Variants in GSE1 observed in about 807,000 individuals in gnomAD.
GSE1 encodes the protein Gse1 coiled-coil protein.
GSE1 carries 32 observed loss-of-function variants against 112.6 expected under a neutral mutation model. That is an observed-to-expected ratio of 0.28 (90% confidence interval 0.21 to 0.38). The LOEUF is 0.38. Ranked by LOEUF, GSE1 falls within the 10% of genes least tolerant of loss-of-function variation. The probability of loss-of-function intolerance (pLI) is 1.00; values close to 1 mark genes in which losing one functional copy is unlikely to be tolerated. For synonymous variants in GSE1, 1,115 were observed against 735.6 expected (o/e 1.52, Z -8.35); for missense variants, 2,348 against 1,699.2 (o/e 1.38, Z -6.71).
At chr16:85,208,774 G>A (rs1218707599) in intron 1 of GSE1, among the ~76,000 whole-genome samples, 1 of 151,870 alleles carries the variant, frequency 6.6e-6, no homozygotes, top group East Asian at 1.9e-4. Context: ...GTGGGGGTGG[G>A]GTTCGCCGCG....
chr16:85,592,124 TTTTC>T (rs2047027413), intron 1 of GSE1: 3 of 152,142 alleles, frequency 2.0e-5, no homozygotes, highest in African/African-American at 7.2e-5. Flanking sequence ...TGTGCAGATT[TTTTC>T]TTTTTCTTTT....
chr16:85,508,200 A>AT (rs1177480427), intron 2 of GSE1, among the ~76,000 whole-genome samples: 1 of 151,884 alleles, frequency 6.6e-6, no homozygotes, highest in East Asian at 1.9e-4. Context: ...CGCCCAGCTA[A>AT]TTTTTGTGTT....
At chr16:85,634,215 C>G (rs1200413971) in intron 2 of GSE1, 83 bp downstream of exon 2, 13 of 958,980 alleles carry the variant, frequency 1.4e-5, no homozygotes, top group Non-Finnish European at 1.9e-5. Context: ...GGCGTGCACG[C>G]TCACAGCAGG....
chr16:85,625,010 C>T (rs1270115379), intron 1 of GSE1, among the ~76,000 whole-genome samples: 2 of 151,974 alleles, frequency 1.3e-5, no homozygotes, highest in Non-Finnish European at 2.9e-5. Flanking sequence ...GTAAAAGTTG[C>T]CCCCTGGTAC....
chr16:85,395,318 G>T (rs1760238911), intron 2 of GSE1, among the ~76,000 whole-genome samples: 1 of 152,228 alleles, frequency 6.6e-6, no homozygotes. Flanking sequence ...GAGCGTGTTA[G>T]AAAGGAGGGA....
intron 1 of GSE1, among the ~76,000 whole-genome samples, chr16:85,619,799 T>C (rs542997089): frequency 6.6e-6 from 1 of 152,290 alleles, no homozygotes; most frequent in South Asian, 2.1e-4. Flanking sequence ...AGGCAGGGAT[T>C]ATCCCCATTT....
At chr16:85,498,568 A>G (rs200154774) in intron 2 of GSE1, among the ~76,000 whole-genome samples, 1 of 138,516 alleles carries the variant, frequency 7.2e-6, no homozygotes, top group African/African-American at 2.7e-5. Context: ...CATACACCCC[A>G]TGCATACCTT....
At chr16:85,309,049 G>C (rs1199752367) in intron 1 of GSE1, among the ~76,000 whole-genome samples, 1 of 151,346 alleles carries the variant, frequency 6.6e-6, no homozygotes, top group Non-Finnish European at 1.5e-5. Context: ...GATGGGGCGG[G>C]GCCTGAGTCT....
rs1454013087 is a variant in GSE1, at chr16:85,269,333, A to T, written c.2284-88130A>T. Reference sequence around the variant, plus strand: ...GAGATGACCTCCCCAGCAGCATCAGAGGCAGGCTGGGAGGCGAGCGTAATT... The same window carrying T: ...GAGATGACCTCCCCAGCAGCATCAGTGGCAGGCTGGGAGGCGAGCGTAATT... On this transcript the variant is annotated intron_variant, in intron 1 of 2. Coordinates refer to the GSE1 transcript ENST00000637419. Among the ~76,000 whole-genome samples the T allele has an allele frequency of 1.3e-5, 2 of 149,276 alleles. 1 individual carries two copies. The highest frequency in any genetic ancestry group is 3.0e-5 in the Non-Finnish European group (2 of 66,206).
intron 2 of GSE1, among the ~76,000 whole-genome samples, chr16:85,530,576 C>A (rs1302183243): frequency 6.6e-6 from 1 of 152,178 alleles, no homozygotes; most frequent in Non-Finnish European, 1.5e-5. Flanking sequence ...TGGAGCCCAG[C>A]CTTGGGTGAC....
At chr16:85,645,108 G>A (rs1164138359) in intron 2 of GSE1, among the ~76,000 whole-genome samples, 3 of 151,060 alleles carry the variant, frequency 2.0e-5, no homozygotes, top group South Asian at 2.1e-4. Flanking sequence ...GTAGCCCGCC[G>A]GCACAGTGCC....
At chr16:85,362,241 G>A (rs961815811) in intron 2 of GSE1, among the ~76,000 whole-genome samples, 1 of 152,240 alleles carries the variant, frequency 6.6e-6, no homozygotes, top group Non-Finnish European at 1.5e-5. Flanking sequence ...GAGCAGTTGA[G>A]CTCATCTCTT....
chr16:85,530,324 G>C (rs2044096802), intron 2 of GSE1, among the ~76,000 whole-genome samples: 1 of 152,226 alleles, frequency 6.6e-6, no homozygotes, highest in Non-Finnish European at 1.5e-5. Flanking sequence ...GAGGCAGAGG[G>C]AGCAAGGGCG....
chr16:85,486,750 C>T (rs1177130129), intron 2 of GSE1, among the ~76,000 whole-genome samples: 1 of 152,140 alleles, frequency 6.6e-6, no homozygotes, highest in Non-Finnish European at 1.5e-5. Context: ...TGTCCTGTTG[C>T]ACAGGCTGTT....
chr16:85,462,683 C>T (rs1341166614), intron 2 of GSE1, among the ~76,000 whole-genome samples: 1 of 23,588 alleles, frequency 4.2e-5, no homozygotes, highest in East Asian at 1.3e-3. Context: ...CGGGGGAGGG[C>T]GGCGGGGGCG....
intron 1 of GSE1, among the ~76,000 whole-genome samples, chr16:85,245,902 G>C (rs532213899): frequency 1.9e-4 from 29 of 150,732 alleles, no homozygotes; most frequent in African/African-American, 6.8e-4. Flanking sequence ...CGTGTGTGTC[G>C]AGGTGTCTAC....
intron 2 of GSE1, among the ~76,000 whole-genome samples, chr16:85,420,023 G>A (rs1330002331): frequency 6.6e-6 from 1 of 152,216 alleles, no homozygotes; most frequent in East Asian, 1.9e-4. Context: ...GGCCAGGGAT[G>A]CTGAACAGAA....
intron 2 of GSE1, among the ~76,000 whole-genome samples, chr16:85,442,603 G>C (rs1351582466): frequency 2.6e-5 from 4 of 152,168 alleles, no homozygotes; most frequent in Non-Finnish European, 2.9e-5. Context: ...TTTGGCAGGA[G>C]ACAGGTGTGA....
intron 1 of GSE1, among the ~76,000 whole-genome samples, chr16:85,253,970 G>C (rs149360339): frequency 1.8e-4 from 28 of 152,348 alleles, no homozygotes; most frequent in Non-Finnish European, 3.5e-4. Flanking sequence ...TGGATGTCTG[G>C]AGCATCGTGT....
Sources: allele counts gnomAD v4.1 joint callset (sites outside exome capture counted in the v4.1 genomes callset), GRCh38; gene constraint gnomAD v4.1.1; transcripts MANE v1.5; gene names NCBI Gene and HGNC (gene_info 2026-07-23, HGNC 2026-07-21).